The following RANBP2 variants were observed in gnomAD, a reference collection of about 807,000 sequenced individuals.
RANBP2 encodes E3 SUMO-protein ligase RanBP2.
In RANBP2, 57 loss-of-function variants were observed where a neutral mutation model predicts 303.6. That is an observed-to-expected ratio of 0.19 (90% CI 0.15 to 0.23). The LOEUF (loss-of-function observed/expected upper bound fraction) is 0.23. Ranked by LOEUF, RANBP2 falls within the 10% of genes least tolerant of loss-of-function variation. RANBP2 has a pLI of 1.00. For synonymous variants in RANBP2, 1,167 were observed against 1,301.5 expected (o/e 0.90, Z 2.23); for missense variants, 3,138 against 3,780.8 (o/e 0.83, Z 4.46).
the RANBP2 span, among the ~76,000 whole-genome samples, chr2:108,953,955 A>G: frequency 6.6e-6 from 1 of 152,224 alleles, no homozygotes; most frequent in Non-Finnish European, 1.5e-5. Flanking sequence ...ACTAAAGATT[A>G]CCAAGATCCT....
At chr2:109,093,460 C>T in the RANBP2 span, among the ~76,000 whole-genome samples, 2 of 140,994 alleles carry the variant, frequency 1.4e-5, no homozygotes, top group Non-Finnish European at 3.1e-5. Context: ...AAGAAATAAA[C>T]TGCTTACCAT....
chr2:108,740,870 G>A (rs1696026977), intron 7 of RANBP2, among the ~76,000 whole-genome samples, 189 bp downstream of exon 7: 2 of 151,152 alleles, frequency 1.3e-5, no homozygotes, highest in Non-Finnish European at 2.9e-5. Context: ...AAACAGGGAT[G>A]TTGAATGCAC....
the RANBP2 span, among the ~76,000 whole-genome samples, chr2:109,386,153 C>G: frequency 1.2e-4 from 19 of 152,234 alleles, no homozygotes; most frequent in Non-Finnish European, 2.5e-4. Context: ...GGCTGCAAAG[C>G]TGACCGCCTT....
rs1453197920 is a variant in RANBP2 at position 108,735,753 on chromosome 2, G to A, written c.627G>A (p.Gln209=). The change falls in exon 5 of 29, where the codon CAG becomes CAA. Residue 209 remains glutamine, a synonymous_variant. Transcript: ENST00000283195. ...TAGAATGGAATTCGTGTGTTGTACA[G>A]ACCCTTAAGGTAGATAAAAGCTATT... is the stretch of plus-strand genomic sequence containing the variant. ...SSLEWNSCVV[Q]TLKEYLESLQ... is the part of the protein sequence containing the mutation. 2.2e-5 allele frequency: 35 copies of A among 1,597,592 alleles called. No individual in the cohort carries two copies. Among genetic ancestry groups the A allele is most frequent in the Non-Finnish European group, 2.9e-5 (34 of 1,179,784 alleles).
the RANBP2 span, among the ~76,000 whole-genome samples, chr2:108,939,597 G>T: frequency 7.3e-6 from 1 of 137,872 alleles, no homozygotes; most frequent in Admixed American, 7.2e-5. Context: ...CTGGGAGGAG[G>T]AGAACATGTC....
At chr2:109,689,031 C>A in the RANBP2 span, among the ~76,000 whole-genome samples, 3 of 151,532 alleles carry the variant, frequency 2.0e-5, no homozygotes, top group African/African-American at 7.3e-5. Flanking sequence ...CTCAGCCTCC[C>A]GAGTAGGTGG....
At chr2:109,164,871 C>T in the RANBP2 span, among the ~76,000 whole-genome samples, 1 of 152,166 alleles carries the variant, frequency 6.6e-6, no homozygotes, top group African/African-American at 2.4e-5. Flanking sequence ...CTGCAAGTTC[C>T]TTTAGGGTTT....
At chr2:109,488,601 G>A in the RANBP2 span, among the ~76,000 whole-genome samples, 4 of 152,144 alleles carry the variant, frequency 2.6e-5, no homozygotes, top group African/African-American at 9.7e-5. Flanking sequence ...GACCCCTCAC[G>A]GTTTCTTCTT....
chr2:109,682,959 A>G, the RANBP2 span, among the ~76,000 whole-genome samples: 2 of 152,108 alleles, frequency 1.3e-5, no homozygotes. Context: ...ACCCCCGCTC[A>G]ATCATCCACA....
At chr2:108,771,647 T>G (rs1677500740) in intron 20 of RANBP2, 54 bp from the exon 21 acceptor site, 1 of 1,600,818 alleles carries the variant, frequency 6.2e-7, no homozygotes, top group Non-Finnish European at 8.5e-7. Flanking sequence ...GTTAGAGTAT[T>G]AACGTCAATA....
chr2:109,540,670 A>C, the RANBP2 span, among the ~76,000 whole-genome samples: 1 of 151,906 alleles, frequency 6.6e-6, no homozygotes, highest in African/African-American at 2.4e-5. Context: ...AGGAAAAAAA[A>C]AAAAAAATTA....
chr2:109,109,903 A>G, the RANBP2 span, among the ~76,000 whole-genome samples: 1 of 152,018 alleles, frequency 6.6e-6, no homozygotes, highest in Non-Finnish European at 1.5e-5. Flanking sequence ...CACCCCCAAT[A>G]TGGGAAATTG....
At chr2:109,159,399 C>T in the RANBP2 span, among the ~76,000 whole-genome samples, 6 of 152,340 alleles carry the variant, frequency 3.9e-5, no homozygotes, top group East Asian at 1.9e-4. Context: ...GGAACCAGGG[C>T]GGGCATGAGG....
At chr2:109,491,943 C>G in the RANBP2 span, among the ~76,000 whole-genome samples, 1 of 152,156 alleles carries the variant, frequency 6.6e-6, no homozygotes, top group Non-Finnish European at 1.5e-5. Context: ...GGGAATGAGA[C>G]GGGGTCTATC....
the RANBP2 span, among the ~76,000 whole-genome samples, chr2:109,509,135 T>C: frequency 6.6e-6 from 1 of 152,180 alleles, no homozygotes; most frequent in Non-Finnish European, 1.5e-5. Flanking sequence ...ACTCTACTCA[T>C]TCATTCAACA....
the RANBP2 span, among the ~76,000 whole-genome samples, chr2:109,202,121 CT>C: frequency 6.6e-6 from 1 of 152,218 alleles, no homozygotes; most frequent in African/African-American, 2.4e-5. Context: ...ACTTTCTCAT[CT>C]TGACAGATCA....
At chr2:109,695,906 C>T in the RANBP2 span, among the ~76,000 whole-genome samples, 1 of 151,910 alleles carries the variant, frequency 6.6e-6, no homozygotes, top group African/African-American at 2.4e-5. Flanking sequence ...GGGAACTTCT[C>T]TTCCTTCTCC....
chr2:108,932,870 G>A, the RANBP2 span, among the ~76,000 whole-genome samples: 2 of 152,334 alleles, frequency 1.3e-5, no homozygotes, highest in South Asian at 2.1e-4. Context: ...TTAACTTGTG[G>A]AACTAATCAG....
the RANBP2 span, among the ~76,000 whole-genome samples, chr2:109,448,655 C>T: frequency 6.6e-6 from 1 of 152,238 alleles, no homozygotes; most frequent in South Asian, 2.1e-4. Context: ...GCTCAGGGGT[C>T]CTACTGATTC....
Sources: allele counts gnomAD v4.1 joint callset (sites outside exome capture counted in the v4.1 genomes callset), GRCh38; gene constraint gnomAD v4.1.1; transcripts MANE v1.5; gene names NCBI Gene and HGNC (gene_info 2026-07-23, HGNC 2026-07-21).